PDE8B: variants seen among roughly 807,000 people sequenced by gnomAD.
PDE8B encodes phosphodiesterase 8B, also known as high affinity cAMP-specific and IBMX-insensitive 3',5'-cyclic phosphodiesterase 8B.
Under a neutral mutation model 101.3 loss-of-function variants are expected in PDE8B, and 26 were observed. That is an observed-to-expected ratio of 0.26 (90% CI 0.19 to 0.36). The LOEUF (loss-of-function observed/expected upper bound fraction) is 0.36, where lower values mean the gene tolerates loss of function less well. Ranked by LOEUF, PDE8B falls within the 10% of genes least tolerant of loss-of-function variation. The pLI, the probability that PDE8B is intolerant of heterozygous loss-of-function variation, is 1.00. For synonymous variants in PDE8B, 424 were observed against 429.3 expected, an observed-to-expected ratio of 0.99 and a Z score of 0.15; for missense variants, 810 against 1,163.1, an observed-to-expected ratio of 0.70 and a Z score of 4.42.
intron 1 of PDE8B, among the ~76,000 whole-genome samples, chr5:77,219,793 C>G (rs138683160): frequency 6.6e-6 from 1 of 152,114 alleles, no homozygotes; most frequent in African/African-American, 2.4e-5. Flanking sequence ...TGGAGCTGAG[C>G]CTTAGTTGGA....
intron 13 of PDE8B, among the ~76,000 whole-genome samples, chr5:77,407,812 C>A (rs534882766): frequency 6.6e-6 from 1 of 152,088 alleles, no homozygotes; most frequent in Non-Finnish European, 1.5e-5. Context: ...AAAAGCATTG[C>A]AATGGGCGAA....
chr5:77,379,389 C>A (rs1787017404), intron 10 of PDE8B, among the ~76,000 whole-genome samples: 1 of 152,122 alleles, frequency 6.6e-6, no homozygotes, highest in African/African-American at 2.4e-5. Flanking sequence ...CTATATCAAA[C>A]CAATGCATGT....
intron 10 of PDE8B, among the ~76,000 whole-genome samples, chr5:77,368,161 TC>T (rs1336643486): frequency 6.6e-6 from 1 of 152,172 alleles, no homozygotes; most frequent in African/African-American, 2.4e-5. Context: ...TCTCTCTTAT[TC>T]CTTTGGAAGC....
intron 10 of PDE8B, among the ~76,000 whole-genome samples, chr5:77,379,796 A>T (rs1241511510): frequency 6.6e-6 from 1 of 152,230 alleles, no homozygotes; most frequent in Non-Finnish European, 1.5e-5. Flanking sequence ...GAAAATACTC[A>T]TCAAAGTTTT....
chr5:77,224,319 C>T (rs772138421), intron 1 of PDE8B, among the ~76,000 whole-genome samples: 5 of 151,994 alleles, frequency 3.3e-5, no homozygotes, highest in East Asian at 3.8e-4. Flanking sequence ...ATATACAAGC[C>T]GATTTTTGAA....
chr5:77,116,233 T>A, the PDE8B span, among the ~76,000 whole-genome samples: 619 of 135,564 alleles, frequency 4.6e-3, 3 homozygotes, highest in African/African-American at 0.016. Flanking sequence ...TATTTTTTTT[T>A]TTTTTTTTTT....
rs372271358 is a variant in PDE8B at position 77,426,573 on chromosome 5, G to T, written c.*19G>T. On this transcript the variant is annotated 3_prime_UTR_variant, in exon 22 of 22. Coordinates refer to ENST00000264917, the MANE Select transcript of PDE8B (RefSeq NM_003719.5). ...CAGCTAAAGCCAAGCCACAGAGGGG[G>T]CCTCTTGACCGACAAAGGACACTGT... 1.1e-5 allele frequency: 15 copies of T among 1,334,974 alleles called. No individual in the cohort carries two copies. The African/African-American group carries it at 1.6e-4, about 14-fold the overall frequency. The allele number at this position is 1,334,974 out of a possible 1,614,324, so 82.7% of individuals were successfully genotyped here. A position where few individuals can be genotyped will look rare whatever the true frequency, so the allele number is the denominator to read the frequency against.
intron 1 of PDE8B, among the ~76,000 whole-genome samples, chr5:77,275,253 T>G (rs970225560): frequency 6.6e-6 from 1 of 152,092 alleles, no homozygotes; most frequent in Non-Finnish European, 1.5e-5. Flanking sequence ...TGATCACTAC[T>G]CCTCCAGCCC....
At chr5:77,217,339 C>T (rs900972777) in intron 1 of PDE8B, among the ~76,000 whole-genome samples, 3 of 151,702 alleles carry the variant, frequency 2.0e-5, no homozygotes, top group East Asian at 1.9e-4. Flanking sequence ...CTTTCTATAA[C>T]CTTCTCTCCA....
At chr5:77,180,633 C>T in the PDE8B span, 1 of 241,400 alleles carries the variant, frequency 4.1e-6, no homozygotes, top group Non-Finnish European at 6.7e-6. Context: ...TTCTTTTCGC[C>T]CTTAGTCCCT....
chr5:77,410,978 C>G (rs546887564), intron 14 of PDE8B: 2 of 152,540 alleles, frequency 1.3e-5, no homozygotes, highest in Admixed American at 6.5e-5. Flanking sequence ...TTGAGGTACT[C>G]AGAGATCAAA....
At chr5:77,168,952 T>G in the PDE8B span, among the ~76,000 whole-genome samples, 1 of 152,236 alleles carries the variant, frequency 6.6e-6, no homozygotes, top group African/African-American at 2.4e-5. Context: ...ACGTTTGTTA[T>G]TCAGGATTCT....
chr5:77,353,912 T>G (rs1781615768), intron 10 of PDE8B, among the ~76,000 whole-genome samples: 2 of 152,236 alleles, frequency 1.3e-5, no homozygotes, highest in Admixed American at 1.3e-4. Flanking sequence ...GGTAATTTTG[T>G]AATGGAGGGC....
chr5:77,417,333 C>T (rs1272433996), intron 17 of PDE8B, among the ~76,000 whole-genome samples: 1 of 152,188 alleles, frequency 6.6e-6, no homozygotes, highest in South Asian at 2.1e-4. Context: ...CTTCTTAGCA[C>T]GTCTCACAGC....
the PDE8B span, among the ~76,000 whole-genome samples, chr5:77,101,126 C>T: frequency 4.6e-5 from 7 of 150,552 alleles, no homozygotes; most frequent in East Asian, 5.8e-4. Context: ...CGCATCACCA[C>T]GCCTGCCTGT....
chr5:77,391,325 G>A (rs1789868369), intron 10 of PDE8B, among the ~76,000 whole-genome samples: 1 of 152,128 alleles, frequency 6.6e-6, no homozygotes, highest in South Asian at 2.1e-4. Context: ...ACTGCTCTCG[G>A]CACAGAGCAT....
intron 1 of PDE8B, among the ~76,000 whole-genome samples, chr5:77,279,097 T>C (rs1010970499): frequency 6.6e-6 from 1 of 152,348 alleles, no homozygotes; most frequent in Middle Eastern, 3.4e-3. Context: ...TTTCACAAAA[T>C]ACTGGTGATT....
At chr5:77,397,037 T>TTTTTTTTTTTTTTTTTTTTTTG (rs1791225394) in intron 10 of PDE8B, among the ~76,000 whole-genome samples, 1 of 136,770 alleles carries the variant, frequency 7.3e-6, no homozygotes, top group African/African-American at 2.9e-5. Flanking sequence ...TTTTTTTTTT[T>TTTTTTTTTTTTTTTTTTTTTTG]TTTTTTTTTT....
At chr5:77,416,462 G>A (rs1375550382) in intron 17 of PDE8B, among the ~76,000 whole-genome samples, 4 of 152,202 alleles carry the variant, frequency 2.6e-5, no homozygotes, top group Admixed American at 6.5e-5. Context: ...GAACGTGCCT[G>A]CAGGTGACCG....
Sources: allele counts gnomAD v4.1 joint callset (sites outside exome capture counted in the v4.1 genomes callset), GRCh38; gene constraint gnomAD v4.1.1; transcripts MANE v1.5; gene names NCBI Gene and HGNC (gene_info 2026-07-23, HGNC 2026-07-21).